The following CACNA1E variants were observed in gnomAD, a reference collection of about 807,000 sequenced individuals.
CACNA1E encodes the protein calcium voltage-gated channel subunit alpha1 E, also known as voltage-dependent R-type calcium channel subunit alpha-1E.
In CACNA1E, 40 loss-of-function variants were observed where a neutral mutation model predicts 259.2. That is an observed-to-expected ratio of 0.15 (90% CI 0.12 to 0.20). The LOEUF (loss-of-function observed/expected upper bound fraction) is 0.20. Among genes scored for constraint, CACNA1E ranks in the 10% least tolerant of loss-of-function variants. The probability of loss-of-function intolerance (pLI) is 1.00; values close to 1 mark genes in which losing one functional copy is unlikely to be tolerated. For missense variants in CACNA1E, 1,874 were observed against 3,040.1 expected, an observed-to-expected ratio of 0.62 and a Z score of 9.02; for synonymous variants, 1,104 against 1,138.5, an observed-to-expected ratio of 0.97 and a Z score of 0.61.
chr1:181,395,247 G>A (rs950310739), intron 1 of CACNA1E, among the ~76,000 whole-genome samples: 8 of 152,168 alleles, frequency 5.3e-5, no homozygotes, highest in African/African-American at 1.2e-4. Flanking sequence ...TGGATATGGG[G>A]AATGAGAAGT....
intron 3 of CACNA1E, among the ~76,000 whole-genome samples, chr1:181,562,106 G>C (rs56224258): frequency 0.38 from 57,302 of 151,792 alleles, 13,366 homozygotes; most frequent in East Asian, 0.68. Flanking sequence ...TTATTATTTA[G>C]TTGTAGATGA....
chr1:181,343,924 A>G (rs567055252), intron 1 of CACNA1E, among the ~76,000 whole-genome samples: 4 of 152,110 alleles, frequency 2.6e-5, no homozygotes, highest in South Asian at 4.2e-4. Context: ...CTCCCTGGCT[A>G]TATAAAAGGA....
chr1:181,662,241 T>C (rs1448171097), intron 7 of CACNA1E, among the ~76,000 whole-genome samples: 1 of 152,230 alleles, frequency 6.6e-6, no homozygotes, highest in Non-Finnish European at 1.5e-5. Context: ...TAAAAATTAT[T>C]TGAGGAAGAC....
In CACNA1E at chr1:181,521,406, C is replaced by G. The variant is rs113321484; in HGVS notation, c.512+9896C>G. Among the ~76,000 whole-genome samples, 229 of 152,228 alleles carry G rather than the reference C, an allele frequency of 1.5e-3. 1 individual carries two copies. The highest frequency in any genetic ancestry group is 5.2e-3 in the African/African-American group (216 of 41,542). ...GGTATCTTTGCTGTTGAATCTTAGTCAAAACTCTGGGTGAGGGAGAGAAAA... is the reference window on the plus strand; with the variant it reads ...GGTATCTTTGCTGTTGAATCTTAGTGAAAACTCTGGGTGAGGGAGAGAAAA... On this transcript the variant is annotated intron_variant, in intron 3 of 47. Coordinates refer to ENST00000367573, the MANE Select transcript of CACNA1E (RefSeq NM_001205293.3).
intron 1 of CACNA1E, among the ~76,000 whole-genome samples, chr1:181,326,614 C>T (rs1011843293): frequency 1.1e-4 from 17 of 152,184 alleles, no homozygotes. Context: ...CCACACATCC[C>T]TCCCTTTGCC....
intron 1 of CACNA1E, among the ~76,000 whole-genome samples, chr1:181,498,373 T>C (rs2102549867): frequency 6.6e-6 from 1 of 152,352 alleles, no homozygotes; most frequent in East Asian, 1.9e-4. Context: ...TTAACTCTGT[T>C]AGAGAAGCTG....
chr1:181,720,407 C>G, intron 14 of CACNA1E, 70 bp downstream of exon 14: 1 of 1,499,784 alleles, frequency 6.7e-7, no homozygotes, highest in Non-Finnish European at 9.1e-7. Context: ...GGGCTAGGGT[C>G]ATTAACTCAA....
rs1372540098 is a variant in CACNA1E, at chr1:181,806,058, T to G, written c.*7224T>G. On this transcript the variant is annotated 3_prime_UTR_variant, in exon 48 of 48. Coordinates refer to ENST00000367573, the MANE Select transcript of CACNA1E (RefSeq NM_001205293.3). ...AGTGGCTTTGAAGGCCTCAGAGGAT[T>G]AATAGATTCCCAAAATTTTCTTCCA... The G allele has an allele frequency of 2.6e-5, 4 of 152,190 alleles. No homozygotes were observed. The highest frequency in any genetic ancestry group is 4.4e-5 in the Non-Finnish European group (3 of 68,028). 9.4% of individuals were successfully genotyped at this position (152,190 alleles called of 1,614,324 possible).
At chr1:181,763,568 A>G (rs1193089525) in intron 34 of CACNA1E, 37 bp downstream of exon 34, 27 of 1,506,840 alleles carry the variant, frequency 1.8e-5, no homozygotes, top group Non-Finnish European at 2.3e-5. Flanking sequence ...GAGGGTTGTC[A>G]TATCAGACAG....
At chr1:181,349,993 C>T (rs895389495) in intron 1 of CACNA1E, among the ~76,000 whole-genome samples, 1 of 152,138 alleles carries the variant, frequency 6.6e-6, no homozygotes, top group East Asian at 1.9e-4. Flanking sequence ...AACCTCGCCT[C>T]CTCAACTTTG....
chr1:181,774,216 C>G (rs559905423), intron 37 of CACNA1E, among the ~76,000 whole-genome samples: 5 of 152,350 alleles, frequency 3.3e-5, no homozygotes, highest in Admixed American at 2.6e-4. Context: ...AAGGCAGTAA[C>G]AGTGCTAACA....
chr1:181,349,333 G>A (rs1039037574), intron 1 of CACNA1E, among the ~76,000 whole-genome samples: 5 of 152,238 alleles, frequency 3.3e-5, no homozygotes, highest in African/African-American at 1.2e-4. Flanking sequence ...TGCTCTCACT[G>A]TGTACTGGGC....
chr1:181,595,717 G>A (rs1358468307), intron 6 of CACNA1E, among the ~76,000 whole-genome samples: 1 of 152,062 alleles, frequency 6.6e-6, no homozygotes, highest in Non-Finnish European at 1.5e-5. Context: ...CACAGGCGAG[G>A]GTATCCAGGG....
intron 3 of CACNA1E, among the ~76,000 whole-genome samples, chr1:181,532,684 C>T (rs529189627): frequency 6.6e-6 from 1 of 152,370 alleles, no homozygotes; most frequent in South Asian, 2.1e-4. Context: ...TTCACTCTCC[C>T]CAAGCTGAAT....
In CACNA1E at chr1:181,716,070, G is replaced by C; in HGVS notation, c.1256G>C (p.Arg419Pro). Reference sequence around the variant, plus strand: ...CGAAGGGCAACCATCAAGAGGAGCCGGACAGAGGCCATGACTCGAGACTCC... The same window carrying C: ...CGAAGGGCAACCATCAAGAGGAGCCCGACAGAGGCCATGACTCGAGACTCC... ...VLRRATIKRS[R>P]TEAMTRDSSD... Residue 419 changes from arginine to proline, a missense_variant, in exon 10 of 48, where the codon CGG (arginine) becomes CCG (proline). By Grantham distance (103) the Arg-to-Pro change is moderately radical. Coordinates refer to ENST00000367573, the MANE Select transcript of CACNA1E (RefSeq NM_001205293.3). 6.4e-7 allele frequency: 1 copy of C among 1,573,402 alleles called. No homozygotes were observed. Among genetic ancestry groups the C allele is most frequent in the East Asian group, 2.3e-5 (1 of 42,622 alleles).
At position 181,443,126 on chromosome 1, in the gene CACNA1E, T is replaced by C. The variant is rs191251119; in HGVS notation, c.434+29546T>C. Among the ~76,000 whole-genome samples, 12 of 152,388 alleles carry C rather than the reference T, an allele frequency of 7.9e-5. No homozygotes were observed. The East Asian group carries it at 1.5e-3, about 20-fold the overall frequency. On this transcript the variant is annotated intron_variant, in intron 2 of 11. Transcript: ENST00000524607. ...GTGTGTAAGTTTACACACACCACTT[T>C]ACTTTTTTATACTCAATTTCTTTCT...
At position 181,736,337 on chromosome 1, in the gene CACNA1E, G is replaced by A. The variant is rs770891776; in HGVS notation, c.3325G>A (p.Glu1109Lys). 6.2e-7 allele frequency: 1 copy of A among 1,607,932 alleles called. No individual in the cohort carries two copies. The highest frequency in any genetic ancestry group is 8.5e-7 in the Non-Finnish European group (1 of 1,176,966). Residue 1109 changes from glutamate to lysine, a missense_variant, in exon 22 of 48, where the codon GAG becomes AAG. Physicochemically the swap from Glu to Lys is moderately conservative, Grantham distance 56 (BLOSUM62 1). This residue lies in a region of CACNA1E where 476 missense variants were observed against 514.0 expected (regional missense o/e 0.93). Coordinates refer to ENST00000367573, the MANE Select transcript of CACNA1E (RefSeq NM_001205293.3). ...LKEAEIREDE[E>K]EVEKKKQKKE... ...GGAGGCAGAGATCAGAGAGGATGAG[G>A]AGGAGGTGGAGAAGAAGAAGCAGAA...
chr1:181,470,887 C>G (rs1190733116), intron 2 of CACNA1E, among the ~76,000 whole-genome samples: 3 of 152,192 alleles, frequency 2.0e-5, no homozygotes, highest in Non-Finnish European at 4.4e-5. Flanking sequence ...TTCAGCTTGT[C>G]TCTTGCAATA....
chr1:181,716,419 C>T (rs1487373419), intron 10 of CACNA1E, among the ~76,000 whole-genome samples: 1 of 152,072 alleles, frequency 6.6e-6, no homozygotes, highest in African/African-American at 2.4e-5. Flanking sequence ...GAAGTATCCA[C>T]CCTCTCCTGG....
Sources: allele counts gnomAD v4.1 joint callset (sites outside exome capture counted in the v4.1 genomes callset), GRCh38; gene constraint gnomAD v4.1.1; regional missense constraint gnomAD v4.1.1; transcripts MANE v1.5; gene names NCBI Gene and HGNC (gene_info 2026-07-23, HGNC 2026-07-21).